Variants in NR3C2 observed in about 807,000 individuals in gnomAD.
NR3C2 encodes mineralocorticoid receptor.
In NR3C2, 15 loss-of-function variants were observed where a neutral mutation model predicts 86.4. That is an observed-to-expected ratio of 0.17 (90% CI 0.12 to 0.27). The LOEUF is 0.27. Ranked by LOEUF, NR3C2 falls within the 10% of genes least tolerant of loss-of-function variation. NR3C2 has a pLI of 1.00. For synonymous variants in NR3C2, 458 were observed against 450.5 expected, an observed-to-expected ratio of 1.02 and a Z score of -0.21; for missense variants, 960 against 1,195.6, an observed-to-expected ratio of 0.80 and a Z score of 2.91.
At chr4:148,274,077 C>A in intron 2 of NR3C2, among the ~76,000 whole-genome samples, 1 of 139,200 alleles carries the variant, frequency 7.2e-6, no homozygotes, top group African/African-American at 2.8e-5. Context: ...TAATAAAAGG[C>A]AGCTCATGAG....
rs181269926 is a variant in NR3C2, at chr4:148,142,719, C to T, written c.2510+9750G>A. Among the ~76,000 whole-genome samples the T allele has an allele frequency of 1.6e-4, 24 of 152,328 alleles. No homozygotes were observed. The East Asian group carries it at 4.1e-3, about 26-fold the overall frequency. ...CCATGTTACCCAGGCTGGTCTTGAA[C>T]TCCTGAGTAGCAATCAAGCAATCCG... is the stretch of plus-strand genomic sequence containing the variant. On this transcript the variant is annotated intron_variant, in intron 6 of 8. Transcript: ENST00000358102.
chr4:148,405,033 T>C (rs1182371527), intron 2 of NR3C2, among the ~76,000 whole-genome samples: 1 of 152,212 alleles, frequency 6.6e-6, no homozygotes, highest in Non-Finnish European at 1.5e-5. Flanking sequence ...TCAAATACTT[T>C]ATATTCTTGA....
intron 2 of NR3C2, among the ~76,000 whole-genome samples, chr4:148,364,674 A>G (rs1746018782): frequency 6.6e-6 from 1 of 152,190 alleles, no homozygotes; most frequent in African/African-American, 2.4e-5. Context: ...TATCTTTATA[A>G]TACTTTCCTA....
chr4:148,182,901 T>A (rs1158929306), intron 4 of NR3C2, among the ~76,000 whole-genome samples: 1 of 152,228 alleles, frequency 6.6e-6, no homozygotes, highest in Admixed American at 6.5e-5. Context: ...ATATGTGTCA[T>A]GTTGGTTTGC....
chr4:148,131,712 A>AGAG (rs1446097548), intron 6 of NR3C2, among the ~76,000 whole-genome samples: 2 of 152,344 alleles, frequency 1.3e-5, no homozygotes, highest in East Asian at 3.9e-4. Flanking sequence ...AATGTGTTAG[A>AGAG]GAGACTAATG....
At chr4:148,154,929 A>C (rs891217704) in intron 4 of NR3C2, 28 bp from the exon 5 acceptor site, 6 of 1,519,890 alleles carry the variant, frequency 3.9e-6, no homozygotes, top group Admixed American at 2.0e-5. Flanking sequence ...TGATAAGGCC[A>C]AATTAAAATT....
At chr4:148,364,756 T>A (rs981435224) in intron 2 of NR3C2, among the ~76,000 whole-genome samples, 3 of 152,028 alleles carry the variant, frequency 2.0e-5, no homozygotes, top group Non-Finnish European at 4.4e-5. Flanking sequence ...CACAGTGAGA[T>A]GACTGGTTGA....
intron 8 of NR3C2, among the ~76,000 whole-genome samples, chr4:148,083,855 C>A (rs1274902538): frequency 6.6e-6 from 1 of 151,986 alleles, no homozygotes; most frequent in Non-Finnish European, 1.5e-5. Context: ...AAAAACACAG[C>A]ACAAGAACTT....
At chr4:148,166,178 T>C (rs1734869277) in intron 4 of NR3C2, among the ~76,000 whole-genome samples, 1 of 152,228 alleles carries the variant, frequency 6.6e-6, no homozygotes, top group Non-Finnish European at 1.5e-5. Context: ...GTCTGGAAAC[T>C]CCCAGATAAA....
At chr4:148,285,315 T>C (rs1741462785) in intron 2 of NR3C2, among the ~76,000 whole-genome samples, 1 of 152,236 alleles carries the variant, frequency 6.6e-6, no homozygotes, top group Non-Finnish European at 1.5e-5. Context: ...TCCCAAACGA[T>C]GTTGCTGGAG....
chr4:148,224,060 A>C, intron 3 of NR3C2, among the ~76,000 whole-genome samples: 1 of 152,120 alleles, frequency 6.6e-6, no homozygotes, highest in East Asian at 1.9e-4. Context: ...TAAGTGAAAA[A>C]GGGAAAAGAC....
chr4:148,219,615 T>TA (rs1737726789), intron 3 of NR3C2, among the ~76,000 whole-genome samples: 1 of 152,200 alleles, frequency 6.6e-6, no homozygotes, highest in Non-Finnish European at 1.5e-5. Context: ...AAAAGGCTCT[T>TA]AAAATACTCC....
chr4:148,124,620 G>A (rs566441926), intron 6 of NR3C2, among the ~76,000 whole-genome samples: 7 of 152,202 alleles, frequency 4.6e-5, no homozygotes, highest in East Asian at 1.9e-4. Flanking sequence ...ACTTGCATAC[G>A]TAAGTATTCC....
chr4:148,234,304 G>A (rs571063366), intron 3 of NR3C2, among the ~76,000 whole-genome samples: 14 of 152,128 alleles, frequency 9.2e-5, no homozygotes, highest in African/African-American at 2.6e-4. Flanking sequence ...TTATCAGTGC[G>A]CATCAGGCAG....
At chr4:148,230,901 G>A (rs1738426020) in intron 3 of NR3C2, among the ~76,000 whole-genome samples, 1 of 152,232 alleles carries the variant, frequency 6.6e-6, no homozygotes, top group African/African-American at 2.4e-5. Context: ...CAAGAAAGAT[G>A]CTCAGCAAAT....
chr4:148,411,602 G>A (rs1748706975), intron 2 of NR3C2, among the ~76,000 whole-genome samples: 2 of 152,058 alleles, frequency 1.3e-5, no homozygotes, highest in African/African-American at 2.4e-5. Flanking sequence ...TATATTGCTC[G>A]ACACTGGTTT....
chr4:148,390,037 T>C (rs1474176435), intron 2 of NR3C2, among the ~76,000 whole-genome samples: 1 of 150,880 alleles, frequency 6.6e-6, no homozygotes, highest in Non-Finnish European at 1.5e-5. Context: ...GGATAAAACA[T>C]AGACTGGAGA....
intron 3 of NR3C2, among the ~76,000 whole-genome samples, chr4:148,228,314 T>C (rs1449707608): frequency 6.6e-6 from 1 of 152,162 alleles, no homozygotes; most frequent in Non-Finnish European, 1.5e-5. Flanking sequence ...CTTTGCTTTT[T>C]CCAGTGACAG....
intron 3 of NR3C2, among the ~76,000 whole-genome samples, chr4:148,240,944 G>A (rs1425429752): frequency 8.5e-5 from 13 of 152,090 alleles, no homozygotes. Flanking sequence ...AGGATGAGGT[G>A]CCATACTTCT....
Sources: allele counts gnomAD v4.1 joint callset (sites outside exome capture counted in the v4.1 genomes callset), GRCh38; gene constraint gnomAD v4.1.1; transcripts MANE v1.5; gene names NCBI Gene and HGNC (gene_info 2026-07-23, HGNC 2026-07-21).